ZFPM2: variants seen among roughly 807,000 people sequenced by gnomAD.
ZFPM2 encodes zinc finger protein ZFPM2.
In ZFPM2, 20 loss-of-function variants were observed where a neutral mutation model predicts 98.6. That is an observed-to-expected ratio of 0.20 (90% confidence interval 0.14 to 0.29). The LOEUF (loss-of-function observed/expected upper bound fraction) is 0.29, where lower values mean the gene tolerates loss of function less well. Among genes scored for constraint, ZFPM2 ranks in the 10% least tolerant of loss-of-function variants. The pLI, the probability that ZFPM2 is intolerant of heterozygous loss-of-function variation, is 1.00. For missense variants in ZFPM2, 1,310 were observed against 1,388.6 expected (o/e 0.94, Z 0.90); for synonymous variants, 518 against 502.7 (o/e 1.03, Z -0.41).
intron 3 of ZFPM2, among the ~76,000 whole-genome samples, chr8:105,498,360 C>T (rs770534827): frequency 3.2e-4 from 48 of 152,030 alleles, no homozygotes; most frequent in Non-Finnish European, 5.3e-4. Flanking sequence ...CTAATTGATT[C>T]TTTTTTAATT....
At chr8:105,755,083 A>C (rs979995548) in intron 5 of ZFPM2, among the ~76,000 whole-genome samples, 2 of 152,104 alleles carry the variant, frequency 1.3e-5, no homozygotes, top group African/African-American at 4.8e-5. Context: ...TATTTAGTTG[A>C]ATGAAAATGT....
chr8:105,512,502 T>C lies in ZFPM2; in HGVS notation c.302-48861T>C, dbSNP rs529892006. ...GTAGTCATAATGTAAAAGATTAGTT[T>C]TATGCATTTTTTATCACTAGGTATT... is the stretch of plus-strand genomic sequence containing the variant. On this transcript the variant is annotated intron_variant, in intron 3 of 7. Transcript: ENST00000407775. Among the ~76,000 whole-genome samples, 21 of 152,312 alleles carry C rather than the reference T, an allele frequency of 1.4e-4. No homozygotes were observed. In the East Asian group the frequency reaches 3.9e-3, roughly 28 times the overall value.
chr8:105,485,872 G>A (rs1247432237), intron 3 of ZFPM2, among the ~76,000 whole-genome samples: 1 of 152,188 alleles, frequency 6.6e-6, no homozygotes. Flanking sequence ...ACTAGAAGAA[G>A]CGATTTAAGC....
chr8:105,508,344 A>G (rs1813744380), intron 3 of ZFPM2, among the ~76,000 whole-genome samples: 2 of 152,138 alleles, frequency 1.3e-5, no homozygotes, highest in Admixed American at 1.3e-4. Flanking sequence ...GAAGAGGCTC[A>G]TCTGCTGGTA....
chr8:105,622,858 T>C (rs1351487939), intron 4 of ZFPM2, among the ~76,000 whole-genome samples: 2 of 152,112 alleles, frequency 1.3e-5, no homozygotes, highest in African/African-American at 4.8e-5. Flanking sequence ...ACCACTCTTA[T>C]GGTTCTGAAT....
intron 5 of ZFPM2, among the ~76,000 whole-genome samples, chr8:105,710,441 C>T (rs1426926602): frequency 6.6e-6 from 1 of 152,060 alleles, no homozygotes; most frequent in Non-Finnish European, 1.5e-5. Context: ...GTTATATGAA[C>T]ATTCCTAATT....
intron 1 of ZFPM2, among the ~76,000 whole-genome samples, chr8:105,335,885 C>G (rs563601778): frequency 1.3e-5 from 2 of 151,814 alleles, no homozygotes; most frequent in Admixed American, 6.6e-5. Flanking sequence ...TGGTGCTGCC[C>G]CTCCCTAACC....
At position 105,428,913 on chromosome 8, in the gene ZFPM2, T is replaced by C. The variant is rs191900312; in HGVS notation, c.199+9611T>C. ...GTTCTGTATCAAAGATCTGGAGAAGTAGAAAGATTAGACAAGGAACGGTTC... is the reference window on the plus strand; with the variant it reads ...GTTCTGTATCAAAGATCTGGAGAAGCAGAAAGATTAGACAAGGAACGGTTC... On this transcript the variant is annotated intron_variant, in intron 2 of 7. Transcript: ENST00000407775. Among the ~76,000 whole-genome samples the C allele has an allele frequency of 2.6e-3, 389 of 152,242 alleles. 6 individuals carry two copies. The highest frequency in any genetic ancestry group is 7.6e-4 in the Non-Finnish European group (52 of 67,998).
chr8:105,795,737 TTGTATTTTTG>T, intron 6 of ZFPM2: 1 of 430,620 alleles, frequency 2.3e-6, no homozygotes, highest in Non-Finnish European at 4.5e-6. Flanking sequence ...TTAACTTAGT[TTGTATTTTTG>T]TGTCACAGAA....
At chr8:105,344,872 A>G (rs754819475) in intron 1 of ZFPM2, among the ~76,000 whole-genome samples, 1 of 152,176 alleles carries the variant, frequency 6.6e-6, no homozygotes, top group Non-Finnish European at 1.5e-5. Context: ...CTAATATACA[A>G]TACAATATTT....
intron 2 of ZFPM2, among the ~76,000 whole-genome samples, chr8:105,426,999 G>A (rs145833577): frequency 1.8e-3 from 281 of 152,068 alleles, no homozygotes; most frequent in African/African-American, 6.3e-3. Flanking sequence ...TATCTCATGA[G>A]GTTGAAAAAA....
intron 5 of ZFPM2, among the ~76,000 whole-genome samples, chr8:105,639,271 GT>G (rs1379560674): frequency 6.6e-6 from 1 of 151,918 alleles, no homozygotes; most frequent in Non-Finnish European, 1.5e-5. Context: ...AGAATTTTAC[GT>G]TTTGAGGATA....
At position 105,330,567 on chromosome 8, in the gene ZFPM2, T is replaced by C. The variant is rs7837057; in HGVS notation, c.40+11586T>C. On this transcript the variant is annotated intron_variant, in intron 1 of 7. Coordinates refer to ENST00000407775, the MANE Select transcript of ZFPM2 (RefSeq NM_012082.4). ...ATATATATATACATATATATATATA[T>C]ACATATATATATACATATATATATA... Among the ~76,000 whole-genome samples, 215 of 71,972 alleles carry C rather than the reference T, an allele frequency of 3.0e-3. 1 individual carries two copies. Among genetic ancestry groups the C allele is most frequent in the Middle Eastern group, 7.5e-3 (1 of 134 alleles). 47.2% of individuals were successfully genotyped at this position (71,972 alleles called of 152,430 possible). A position where few individuals can be genotyped will look rare whatever the true frequency, so the allele number is the denominator to read the frequency against.
chr8:105,410,660 A>T (rs1285323933), intron 1 of ZFPM2, among the ~76,000 whole-genome samples: 1 of 151,956 alleles, frequency 6.6e-6, no homozygotes, highest in Non-Finnish European at 1.5e-5. Flanking sequence ...TGCAGAATGC[A>T]GTTTGTTAGA....
chr8:105,602,938 A>T (rs1181327312), intron 4 of ZFPM2, among the ~76,000 whole-genome samples: 1 of 152,090 alleles, frequency 6.6e-6, no homozygotes, highest in African/African-American at 2.4e-5. Flanking sequence ...CCCCAGATTT[A>T]TTCTGAAAAG....
At chr8:105,719,147 C>T (rs974199426) in intron 5 of ZFPM2, among the ~76,000 whole-genome samples, 1 of 151,916 alleles carries the variant, frequency 6.6e-6, no homozygotes, top group Non-Finnish European at 1.5e-5. Context: ...TAACAACTAT[C>T]ATCTGCAAGG....
At chr8:105,335,876 G>T (rs977236980) in intron 1 of ZFPM2, among the ~76,000 whole-genome samples, 8 of 151,738 alleles carry the variant, frequency 5.3e-5, no homozygotes, top group African/African-American at 1.9e-4. Flanking sequence ...CTGATCAAAT[G>T]GTGCTGCCCC....
At position 105,730,171 on chromosome 8, in the gene ZFPM2, A is replaced by G. The variant is rs112017618; in HGVS notation, c.533-58547A>G. 4.9e-3 allele frequency among the ~76,000 whole-genome samples: 737 copies of G among 151,788 alleles called. 1 individual carries two copies. The highest frequency in any genetic ancestry group is 0.017 in the African/African-American group (713 of 41,492). ...GTTGGTGGCAGTGGTTAGGTTACTG[A>G]GTTCTTTGTCATCCTCCACAGTGTC... On this transcript the variant is annotated intron_variant, in intron 5 of 7. Transcript: ENST00000407775.
intron 1 of ZFPM2, among the ~76,000 whole-genome samples, chr8:105,384,618 G>A (rs1810948918): frequency 6.6e-6 from 1 of 151,962 alleles, no homozygotes; most frequent in Non-Finnish European, 1.5e-5. Flanking sequence ...ACCCTAGGGT[G>A]TGCAATAGTT....
Sources: gnomAD v4.1 joint callset for allele counts (sites outside exome capture counted in the v4.1 genomes callset) on GRCh38, gnomAD v4.1.1 for gene constraint, MANE v1.5 for transcripts, NCBI Gene and HGNC (gene_info 2026-07-23, HGNC 2026-07-21) for gene names.